SHISA9: variants seen among roughly 807,000 people sequenced by gnomAD.
SHISA9 encodes the protein shisa family member 9.
Under a neutral mutation model 38.0 loss-of-function variants are expected in SHISA9, and 13 were observed. That is an observed-to-expected ratio of 0.34 (90% CI 0.22 to 0.54). The LOEUF (loss-of-function observed/expected upper bound fraction) is 0.54. SHISA9 is among the 20% of genes least tolerant of loss of function. The probability of loss-of-function intolerance (pLI) is 0.91; values close to 1 mark genes in which losing one functional copy is unlikely to be tolerated. For synonymous variants in SHISA9, 275 were observed against 242.0 expected, an observed-to-expected ratio of 1.14 and a Z score of -1.27; for missense variants, 538 against 575.8, an observed-to-expected ratio of 0.93 and a Z score of 0.67.
the SHISA9 span, among the ~76,000 whole-genome samples, chr16:13,322,371 T>TTTCTCATCCTTTCCTCTC: frequency 6.6e-6 from 1 of 152,328 alleles, no homozygotes; most frequent in South Asian, 2.1e-4. Context: ...TGCATAATGG[T>TTTCTCATCCTTTCCTCTC]TTCTCATCCT....
chr16:13,110,095 T>A (rs974379091), intron 2 of SHISA9, among the ~76,000 whole-genome samples: 6 of 152,192 alleles, frequency 3.9e-5, no homozygotes, highest in African/African-American at 1.4e-4. Context: ...TTTTAAGCTG[T>A]GTCAAAGTGC....
chr16:13,314,249 T>C, the SHISA9 span, among the ~76,000 whole-genome samples: 1 of 152,126 alleles, frequency 6.6e-6, no homozygotes, highest in African/African-American at 2.4e-5. Flanking sequence ...GTTTCACTCT[T>C]GTCTCCCAGG....
In SHISA9 at chr16:13,039,110, T is replaced by C. The variant is rs565542294; in HGVS notation, c.691+122295T>C. On this transcript the variant is annotated intron_variant, in intron 2 of 4. Transcript: ENST00000558583. ...TTGTAATAGAGACGGGGTTTCACCA[T>C]GTTGGCCAGGCTGGTCTCGAACTCC... Among the ~76,000 whole-genome samples the C allele has an allele frequency of 2.1e-4, 32 of 152,288 alleles. No homozygotes were observed. In the South Asian group the frequency reaches 6.6e-3, roughly 32 times the overall value.
chr16:13,046,502 G>A (rs1423292046), intron 2 of SHISA9, among the ~76,000 whole-genome samples: 2 of 152,176 alleles, frequency 1.3e-5, no homozygotes. Flanking sequence ...ATGGGGCTTT[G>A]AGAAGGTGTG....
At chr16:13,055,043 A>G (rs1596615562) in intron 2 of SHISA9, among the ~76,000 whole-genome samples, 2 of 152,190 alleles carry the variant, frequency 1.3e-5, no homozygotes, top group South Asian at 2.1e-4. Context: ...GTTTATATGT[A>G]TGCATATCAT....
At chr16:13,145,888 T>C (rs2050442965) in intron 2 of SHISA9, among the ~76,000 whole-genome samples, 1 of 152,088 alleles carries the variant, frequency 6.6e-6, no homozygotes, top group African/African-American at 2.4e-5. Context: ...CAATACCTGA[T>C]TTAAAATTCA....
At chr16:13,264,323 C>T in the SHISA9 span, among the ~76,000 whole-genome samples, 4 of 151,908 alleles carry the variant, frequency 2.6e-5, no homozygotes, top group Admixed American at 2.0e-4. Flanking sequence ...TACAGGTGGA[C>T]GCCACCATGC....
chr16:13,399,619 T>G, the SHISA9 span, among the ~76,000 whole-genome samples: 1 of 152,208 alleles, frequency 6.6e-6, no homozygotes, highest in Non-Finnish European at 1.5e-5. Flanking sequence ...CATGGGTCCG[T>G]GGCTTTCTTG....
chr16:13,549,858 A>G, the SHISA9 span, among the ~76,000 whole-genome samples: 1 of 151,978 alleles, frequency 6.6e-6, no homozygotes, highest in East Asian at 1.9e-4. Flanking sequence ...CCACATCTCT[A>G]CAAAAATGCA....
At chr16:12,908,431 T>C (rs1049129598) in intron 1 of SHISA9, 2 of 1,549,086 alleles carry the variant, frequency 1.3e-6, no homozygotes, top group Non-Finnish European at 1.7e-6. Flanking sequence ...TGCCATAAGC[T>C]TATGTGTAAA....
At chr16:12,982,156 T>C (rs1428415261) in intron 2 of SHISA9, among the ~76,000 whole-genome samples, 2 of 152,242 alleles carry the variant, frequency 1.3e-5, no homozygotes, top group Non-Finnish European at 2.9e-5. Flanking sequence ...TACAGCCAGC[T>C]GGAGATGGAG....
intron 2 of SHISA9, among the ~76,000 whole-genome samples, chr16:12,938,061 T>C (rs2071557230): frequency 6.6e-6 from 1 of 152,214 alleles, no homozygotes; most frequent in Non-Finnish European, 1.5e-5. Flanking sequence ...CTCTCCTTGA[T>C]GAACTGTTGC....
chr16:12,975,390 G>C, intron 2 of SHISA9, among the ~76,000 whole-genome samples: 1 of 151,992 alleles, frequency 6.6e-6, no homozygotes, highest in Non-Finnish European at 1.5e-5. Flanking sequence ...TGTAATCCCA[G>C]CTACTCAGGA....
the SHISA9 span, among the ~76,000 whole-genome samples, chr16:13,400,278 G>T: frequency 6.6e-6 from 1 of 151,976 alleles, no homozygotes; most frequent in Admixed American, 6.6e-5. Context: ...GAAAATGAAG[G>T]CCCAGCTACT....
chr16:13,295,611 G>T, the SHISA9 span, among the ~76,000 whole-genome samples: 4 of 152,106 alleles, frequency 2.6e-5, no homozygotes, highest in Non-Finnish European at 5.9e-5. Flanking sequence ...AGGCCAGCTG[G>T]GGTCTTTTCA....
chr16:13,180,535 A>G (rs1351323207), intron 2 of SHISA9, among the ~76,000 whole-genome samples: 2 of 152,170 alleles, frequency 1.3e-5, no homozygotes, highest in East Asian at 3.9e-4. Flanking sequence ...TTGTGTCTAT[A>G]AAAAATTAAA....
intron 4 of SHISA9, among the ~76,000 whole-genome samples, chr16:13,222,435 G>A (rs2051236306): frequency 1.3e-5 from 2 of 152,176 alleles, no homozygotes. Context: ...TGGCCTGGGG[G>A]AAGAGGGAAG....
chr16:13,244,286 G>A (rs941486204), downstream of SHISA9, among the ~76,000 whole-genome samples: 21 of 152,094 alleles, frequency 1.4e-4, no homozygotes, highest in Non-Finnish European at 1.0e-4. Context: ...TGGTAATACA[G>A]TTGGCCCTTG....
chr16:13,234,748 G>T (rs2051364335), intron 4 of SHISA9, among the ~76,000 whole-genome samples: 1 of 152,168 alleles, frequency 6.6e-6, no homozygotes, highest in African/African-American at 2.4e-5. Context: ...CAGAATGGTA[G>T]GTGGGACTGT....
Sources: allele counts gnomAD v4.1 joint callset (sites outside exome capture counted in the v4.1 genomes callset), GRCh38; gene constraint gnomAD v4.1.1; transcripts MANE v1.5; gene names NCBI Gene and HGNC (gene_info 2026-07-23, HGNC 2026-07-21).